The following TBCE variants were observed in gnomAD, a reference collection of about 807,000 sequenced individuals.
The protein encoded by TBCE is tubulin folding cofactor E.
A neutral mutation model predicts 77.0 loss-of-function variants in TBCE; 53 were observed. That is an observed-to-expected ratio of 0.69 (90% CI 0.55 to 0.87). TBCE has a LOEUF of 0.87. Among genes scored for constraint, TBCE ranks in the 40% least tolerant of loss-of-function variants. The pLI is 0.00. For synonymous variants in TBCE, 235 were observed against 241.3 expected (o/e 0.97, Z 0.24); for missense variants, 624 against 622.4 (o/e 1.00, Z -0.03).
At chr1:235,377,800 G>A (rs1042796850) in intron 1 of TBCE, among the ~76,000 whole-genome samples, 1 of 151,708 alleles carries the variant, frequency 6.6e-6, no homozygotes, top group Non-Finnish European at 1.5e-5. Context: ...TACAGGCATC[G>A]CGCCACCACG....
Position 235,451,834 on chromosome 1 carries a change from G to T in TBCE, c.*3072G>T, listed in dbSNP as rs2102965557. The T allele has an allele frequency of 6.6e-6, 1 of 152,264 alleles. No homozygotes were observed. Among genetic ancestry groups the T allele is most frequent in the East Asian group, 1.9e-4 (1 of 5,182 alleles). 9.4% of individuals were successfully genotyped at this position (152,264 alleles called of 1,614,324 possible). ...AATCTCTGAAGCTAAAGCCAGCTTT[G>T]TGCTTGATTTCTTCCCAGGGCTCTA... On this transcript the variant is annotated 3_prime_UTR_variant, in exon 17 of 17. Coordinates refer to ENST00000642610, the MANE Select transcript of TBCE (RefSeq NM_003193.5).
intron 2 of TBCE, among the ~76,000 whole-genome samples, chr1:235,400,590 C>T (rs996567810): frequency 3.3e-5 from 5 of 150,726 alleles, no homozygotes; most frequent in Admixed American, 1.3e-4. Context: ...TTAGTAGAGA[C>T]GGCGTTTCAC....
intron 14 of TBCE, among the ~76,000 whole-genome samples, chr1:235,442,114 T>G (rs1407795246): frequency 6.6e-6 from 1 of 152,090 alleles, no homozygotes; most frequent in South Asian, 2.1e-4. Flanking sequence ...TTCTAAGCGA[T>G]TCTCCTGCCT....
chr1:235,435,714 T>C, intron 8 of TBCE, 31 bp from the exon 9 acceptor site: 1 of 1,581,906 alleles, frequency 6.3e-7, no homozygotes, highest in Non-Finnish European at 8.7e-7. Flanking sequence ...AGAGATAAAT[T>C]CACGGTGAAA....
At chr1:235,414,299 G>A in intron 3 of TBCE, 134 bp from the exon 4 acceptor site, 6 of 754,984 alleles carry the variant, frequency 7.9e-6, no homozygotes, top group Non-Finnish European at 1.3e-5. Context: ...TATTATTTTA[G>A]TATGTGATAT....
At chr1:235,437,824 TAA>T (rs746812435) in intron 12 of TBCE, among the ~76,000 whole-genome samples, 27 of 137,266 alleles carry the variant, frequency 2.0e-4, no homozygotes, top group Admixed American at 2.9e-4. Context: ...TGTCTTAATT[TAA>T]AAAAAAAAAA....
rs932111650 is a variant in TBCE, at chr1:235,450,008, A to T, written c.*1246A>T. On this transcript the variant is annotated 3_prime_UTR_variant, in exon 17 of 17. Coordinates refer to ENST00000642610, the MANE Select transcript of TBCE (RefSeq NM_003193.5). ...CAATAGATAAATAAAAACTTTTCTTATGCTACAGTACAAGTTGATTTTTAA... is the reference window on the plus strand; with the variant it reads ...CAATAGATAAATAAAAACTTTTCTTTTGCTACAGTACAAGTTGATTTTTAA... The T allele has an allele frequency of 8.6e-6, 4 of 467,260 alleles. No homozygotes were observed. Among genetic ancestry groups the T allele is most frequent in the Non-Finnish European group, 1.4e-5 (4 of 277,258 alleles). The allele number at this position is 467,260 out of a possible 1,614,324, so 28.9% of individuals were successfully genotyped here.
chr1:235,378,721 C>T (rs926961460), intron 1 of TBCE, among the ~76,000 whole-genome samples: 3 of 151,812 alleles, frequency 2.0e-5, no homozygotes, highest in Non-Finnish European at 2.9e-5. Context: ...GTGGCGTGTG[C>T]GTGGTGGCGT....
intron 12 of TBCE, among the ~76,000 whole-genome samples, chr1:235,438,306 G>T (rs1681594216): frequency 6.6e-6 from 1 of 152,182 alleles, no homozygotes; most frequent in Non-Finnish European, 1.5e-5. Context: ...CCAGCACTTT[G>T]GGAGGCCGAG....
chr1:235,383,852 T>A (rs955781426), intron 2 of TBCE, among the ~76,000 whole-genome samples: 33 of 152,098 alleles, frequency 2.2e-4, no homozygotes, highest in Admixed American at 7.2e-4. Context: ...TCCAACACTA[T>A]GTTGAATAGG....
chr1:235,442,831 TTTTC>T lies in TBCE; in HGVS notation c.1340-17_1340-14del, dbSNP rs1681986818. 6.2e-7 allele frequency: 1 copy of T among 1,612,488 alleles called. No homozygotes were observed. The highest frequency in any genetic ancestry group is 8.5e-7 in the Non-Finnish European group (1 of 1,178,818). On this transcript the variant is annotated splice_polypyrimidine_tract_variant and intron_variant, in intron 14 of 16. Coordinates refer to ENST00000642610, the MANE Select transcript of TBCE (RefSeq NM_003193.5). ...TATAATAGTAGATATCAATTAGTCT[TTTTC>T]TTTGTTTCTCTTAAAGCACTGAAGA...
intron 3 of TBCE, among the ~76,000 whole-genome samples, chr1:235,409,171 G>A (rs955134056): frequency 1.3e-5 from 2 of 152,100 alleles, no homozygotes; most frequent in African/African-American, 2.4e-5. Context: ...TGATAACTGG[G>A]TTTTATGAGC....
At chr1:235,387,632 C>G (rs189636906) in intron 2 of TBCE, among the ~76,000 whole-genome samples, 12 of 152,130 alleles carry the variant, frequency 7.9e-5, no homozygotes, top group Non-Finnish European at 1.8e-4. Context: ...CCTGGTGTGC[C>G]GTTTTTTAAG....
chr1:235,380,312 T>C (rs571599636), intron 2 of TBCE, among the ~76,000 whole-genome samples, 163 bp downstream of exon 2: 2 of 152,150 alleles, frequency 1.3e-5, no homozygotes, highest in Non-Finnish European at 2.9e-5. Flanking sequence ...CTGTATCCAG[T>C]TTTATCTGAG....
In TBCE at chr1:235,448,869, C is replaced by T; in HGVS notation, c.*107C>T. On this transcript the variant is annotated 3_prime_UTR_variant, in exon 17 of 17. Coordinates refer to ENST00000642610, the MANE Select transcript of TBCE (RefSeq NM_003193.5). ...CTACTGTCAAAACAAAGGGGGTTTA[C>T]AACTTGTCCTAAGTATAACAAGGGA... The T allele has an allele frequency of 3.5e-6, 3 of 857,826 alleles. No homozygotes were observed. The highest frequency in any genetic ancestry group is 5.8e-6 in the Non-Finnish European group (3 of 520,948). 53.1% of individuals were successfully genotyped at this position (857,826 alleles called of 1,614,324 possible). A position where few individuals can be genotyped will look rare whatever the true frequency, so the allele number is the denominator to read the frequency against.
chr1:235,438,532 A>G (rs1168381260), intron 12 of TBCE, among the ~76,000 whole-genome samples: 1 of 146,178 alleles, frequency 6.8e-6, no homozygotes, highest in African/African-American at 2.6e-5. Context: ...TGGGCGACAC[A>G]GCGAGACTCC....
chr1:235,419,086 A>T, intron 4 of TBCE: 1 of 310,232 alleles, frequency 3.2e-6, no homozygotes, highest in Non-Finnish European at 6.2e-6. Flanking sequence ...AAGCGCCTGT[A>T]ATCCCAGCTA....
intron 3 of TBCE, among the ~76,000 whole-genome samples, chr1:235,409,935 C>T (rs991340778): frequency 6.8e-6 from 1 of 146,662 alleles, no homozygotes; most frequent in African/African-American, 2.6e-5. Flanking sequence ...GAGGCTGAGG[C>T]AGGAGAATGG....
intron 4 of TBCE, chr1:235,419,088 TCCCAGC>T: frequency 3.2e-6 from 1 of 312,298 alleles, no homozygotes; most frequent in Non-Finnish European, 6.2e-6. Flanking sequence ...GCGCCTGTAA[TCCCAGC>T]TACTGGGGAG....
Sources: allele counts gnomAD v4.1 joint callset (sites outside exome capture counted in the v4.1 genomes callset), GRCh38; gene constraint gnomAD v4.1.1; transcripts MANE v1.5; gene names NCBI Gene and HGNC (gene_info 2026-07-23, HGNC 2026-07-21).